The following CADPS2 variants were observed in gnomAD, a reference collection of about 807,000 sequenced individuals.
CADPS2 encodes the protein calcium-dependent secretion activator 2.
Under a neutral mutation model 172.5 loss-of-function variants are expected in CADPS2, and 93 were observed. The observed-to-expected ratio is 0.54, with a 90% CI of 0.46 to 0.64. The LOEUF is 0.64. Ranked by LOEUF, CADPS2 falls within the 30% of genes least tolerant of loss-of-function variation. The pLI, the probability that CADPS2 is intolerant of heterozygous loss-of-function variation, is 0.00. For synonymous variants in CADPS2, 546 were observed against 555.2 expected, an observed-to-expected ratio of 0.98 and a Z score of 0.23; for missense variants, 1,420 against 1,565.9, an observed-to-expected ratio of 0.91 and a Z score of 1.57.
chr7:122,816,512 C>T (rs1373518192), intron 1 of CADPS2, among the ~76,000 whole-genome samples: 1 of 152,170 alleles, frequency 6.6e-6, no homozygotes, highest in African/African-American at 2.4e-5. Context: ...GTACAGGTAG[C>T]TCTTAAATAT....
At chr7:122,465,565 C>T (rs1370109651) in intron 14 of CADPS2, among the ~76,000 whole-genome samples, 1 of 152,136 alleles carries the variant, frequency 6.6e-6, no homozygotes, top group African/African-American at 2.4e-5. Flanking sequence ...ACTGTGCATA[C>T]AAGTTATGTG....
chr7:122,758,748 T>C (rs1392259593), intron 1 of CADPS2, among the ~76,000 whole-genome samples: 2 of 152,122 alleles, frequency 1.3e-5, no homozygotes, highest in African/African-American at 2.4e-5. Context: ...AATTAGAAAG[T>C]ACTGGGTTCA....
At chr7:122,848,936 G>C (rs1383339474) in intron 1 of CADPS2, among the ~76,000 whole-genome samples, 1 of 152,170 alleles carries the variant, frequency 6.6e-6, no homozygotes, top group African/African-American at 2.4e-5. Context: ...AAGTATTTTG[G>C]AACAGCTTTT....
At chr7:122,764,279 T>C (rs2093478955) in intron 1 of CADPS2, among the ~76,000 whole-genome samples, 1 of 152,064 alleles carries the variant, frequency 6.6e-6, no homozygotes, top group African/African-American at 2.4e-5. Flanking sequence ...CACAGTAAAT[T>C]TCCTGTCTTA....
At chr7:122,765,028 C>T (rs1254203820) in intron 1 of CADPS2, among the ~76,000 whole-genome samples, 1 of 152,162 alleles carries the variant, frequency 6.6e-6, no homozygotes, top group African/African-American at 2.4e-5. Context: ...CTTTCTGAAA[C>T]ACATGGAGTC....
intron 2 of CADPS2, among the ~76,000 whole-genome samples, chr7:122,699,952 A>C (rs2085763611): frequency 1.3e-5 from 2 of 152,186 alleles, no homozygotes; most frequent in African/African-American, 4.8e-5. Context: ...TGCTTTTATC[A>C]AACATTTTTG....
intron 11 of CADPS2, among the ~76,000 whole-genome samples, chr7:122,483,470 A>G (rs1317507751): frequency 2.0e-5 from 3 of 152,118 alleles, no homozygotes; most frequent in Non-Finnish European, 4.4e-5. Context: ...AGAAAAGTCA[A>G]AGGAGGTCCT....
intron 17 of CADPS2, among the ~76,000 whole-genome samples, chr7:122,434,143 G>A (rs1044902295): frequency 3.9e-5 from 6 of 152,280 alleles, no homozygotes; most frequent in African/African-American, 1.4e-4. Flanking sequence ...GTTTGAAAAA[G>A]TTTGCTAAAG....
chr7:122,357,740 A>G (rs1055841040), intron 27 of CADPS2, among the ~76,000 whole-genome samples: 1 of 152,192 alleles, frequency 6.6e-6, no homozygotes, highest in African/African-American at 2.4e-5. Context: ...TACAGTATGC[A>G]GCCTTTTCAA....
intron 15 of CADPS2, among the ~76,000 whole-genome samples, chr7:122,450,906 A>G (rs545769216): frequency 6.6e-6 from 1 of 152,142 alleles, no homozygotes; most frequent in South Asian, 2.1e-4. Flanking sequence ...GTAAGTAAAA[A>G]GATAACTAAT....
intron 9 of CADPS2, among the ~76,000 whole-genome samples, chr7:122,509,431 G>C (rs1036789005): frequency 1.3e-5 from 2 of 152,140 alleles, no homozygotes; most frequent in African/African-American, 4.8e-5. Flanking sequence ...ACAACAAGCA[G>C]TGAACACTTT....
intron 2 of CADPS2, chr7:122,698,553 C>T: frequency 6.2e-7 from 1 of 1,614,074 alleles, no homozygotes; most frequent in Non-Finnish European, 8.5e-7. Context: ...CACTGGCTCC[C>T]TTCTCAGTTG....
At position 122,491,188 on chromosome 7, in the gene CADPS2, G is replaced by A. The variant is rs921993068; in HGVS notation, c.1651+124C>T. On this transcript the variant is annotated intron_variant, in intron 10 of 29. Coordinates refer to ENST00000449022, the MANE Select transcript of CADPS2 (RefSeq NM_017954.11). ...TTGAATCTCATAAAGTCTTGCCCAG[G>A]TATATAAGTGAAATATGCACCCTAT... 9.8e-6 allele frequency: 5 copies of A among 509,740 alleles called. No homozygotes were observed. In the African/African-American group the frequency reaches 9.9e-5, roughly 10 times the overall value. The allele number at this position is 509,740 out of a possible 1,614,324, so 31.6% of individuals were successfully genotyped here. A position where few individuals can be genotyped will look rare whatever the true frequency, so the allele number is the denominator to read the frequency against.
At chr7:122,482,836 A>C (rs192644548) in intron 11 of CADPS2, among the ~76,000 whole-genome samples, 1 of 152,090 alleles carries the variant, frequency 6.6e-6, no homozygotes, top group Non-Finnish European at 1.5e-5. Flanking sequence ...CCAGCAAGAG[A>C]CTCTCAAGAT....
chr7:122,623,879 C>T (rs2075831562), intron 4 of CADPS2, among the ~76,000 whole-genome samples: 1 of 152,134 alleles, frequency 6.6e-6, no homozygotes, highest in African/African-American at 2.4e-5. Context: ...TTCAAATTTT[C>T]AACATGTTAT....
intron 1 of CADPS2, among the ~76,000 whole-genome samples, chr7:122,817,662 T>TCCCTTCTCTCCTTGTCTCTAC (rs1801875124): frequency 6.6e-6 from 1 of 151,564 alleles, no homozygotes; most frequent in Admixed American, 6.6e-5. Flanking sequence ...AGTACCCCAA[T>TCCCTTCTCTCCTTGTCTCTAC]CCCTTCTCTC....
chr7:122,568,583 G>T (rs55869009), intron 7 of CADPS2, among the ~76,000 whole-genome samples: 15,758 of 152,128 alleles, frequency 0.1, 1,208 homozygotes, highest in East Asian at 0.26. Flanking sequence ...TTTTCACAAA[G>T]ATGTTAAGTA....
At chr7:122,418,169 CAA>C (rs112532888) in intron 17 of CADPS2, among the ~76,000 whole-genome samples, 50 of 109,058 alleles carry the variant, frequency 4.6e-4, no homozygotes, top group Admixed American at 3.0e-4. Flanking sequence ...GACTCCATCT[CAA>C]AAAAAAAAAA....
intron 12 of CADPS2, among the ~76,000 whole-genome samples, chr7:122,476,910 G>C (rs2056681074): frequency 6.8e-6 from 1 of 147,170 alleles, no homozygotes; most frequent in Non-Finnish European, 1.5e-5. Flanking sequence ...TAGTTTCCAT[G>C]AATTTATGGA....
Sources: allele counts gnomAD v4.1 joint callset (sites outside exome capture counted in the v4.1 genomes callset), GRCh38; gene constraint gnomAD v4.1.1; transcripts MANE v1.5; gene names NCBI Gene and HGNC (gene_info 2026-07-23, HGNC 2026-07-21).